AKAP7: variants seen among roughly 807,000 people sequenced by gnomAD.
The protein encoded by AKAP7 is A kinase (PRKA) anchor protein 7.
A neutral mutation model predicts 39.5 loss-of-function variants in AKAP7; 39 were observed. The ratio of observed to expected loss-of-function variants is 0.99; its 90% CI spans 0.76 to 1.29. AKAP7 has a LOEUF of 1.29. Ranked by LOEUF, AKAP7 falls within the 50% of genes most tolerant of loss-of-function variation. The pLI is 0.00. For missense variants in AKAP7, 414 were observed against 407.7 expected (o/e 1.02, Z -0.13); for synonymous variants, 140 against 139.1 (o/e 1.01, Z -0.05).
At chr6:131,126,591 G>A in the AKAP7 span, among the ~76,000 whole-genome samples, 1 of 152,114 alleles carries the variant, frequency 6.6e-6, no homozygotes, top group Non-Finnish European at 1.5e-5. Flanking sequence ...AGAAACTCCT[G>A]CATACTAGAC....
intron 7 of AKAP7, among the ~76,000 whole-genome samples, chr6:131,239,553 G>A (rs1738308671): frequency 6.6e-6 from 1 of 152,158 alleles, no homozygotes; most frequent in Non-Finnish European, 1.5e-5. Flanking sequence ...CCAATCAGAC[G>A]TAGATTTGGT....
At chr6:131,275,127 G>A (rs1187493920) in intron 7 of AKAP7, among the ~76,000 whole-genome samples, 1 of 152,160 alleles carries the variant, frequency 6.6e-6, no homozygotes, top group African/African-American at 2.4e-5. Flanking sequence ...TTACTAAAGT[G>A]TTGATTAAAT....
chr6:131,283,184 G>C lies in AKAP7; in HGVS notation c.*1458G>C, dbSNP rs541728595. On this transcript the variant is annotated 3_prime_UTR_variant, in exon 8 of 8. Coordinates refer to ENST00000431975, the MANE Select transcript of AKAP7 (RefSeq NM_016377.4). ...GTTGTTCTGCTTTTTCATTTCTTAA[G>C]GAATACATGTTTGGGATTTTTATTT... The C allele has an allele frequency of 1.3e-5, 2 of 152,702 alleles. No individual in the cohort carries two copies. The highest frequency in any genetic ancestry group is 3.9e-4 in the East Asian group (2 of 5,190). 9.5% of individuals were successfully genotyped at this position (152,702 alleles called of 1,614,324 possible). A position where few individuals can be genotyped will look rare whatever the true frequency, so the allele number is the denominator to read the frequency against.
chr6:131,214,581 G>T (rs1808972621), intron 6 of AKAP7, among the ~76,000 whole-genome samples: 2 of 152,116 alleles, frequency 1.3e-5, no homozygotes, highest in Non-Finnish European at 2.9e-5. Context: ...CATTCTTTTT[G>T]CAGGCTGGAT....
At chr6:131,151,642 A>C (rs1801929902) in intron 2 of AKAP7, among the ~76,000 whole-genome samples, 1 of 151,962 alleles carries the variant, frequency 6.6e-6, no homozygotes, top group South Asian at 2.1e-4. Context: ...GCTACTCAGG[A>C]GGCTGAGGCA....
At chr6:131,261,128 G>A (rs1439353068) in intron 7 of AKAP7, among the ~76,000 whole-genome samples, 2 of 151,866 alleles carry the variant, frequency 1.3e-5, no homozygotes, top group African/African-American at 4.8e-5. Flanking sequence ...CCCAGGAGGT[G>A]GAGGTTGCAG....
chr6:131,144,978 T>C (rs1801358445), intron 1 of AKAP7, among the ~76,000 whole-genome samples: 1 of 152,188 alleles, frequency 6.6e-6, no homozygotes, highest in Non-Finnish European at 1.5e-5. Context: ...TGAAAAAACG[T>C]AGTTTTAGAA....
At chr6:131,134,613 T>C (rs1275024273), upstream of AKAP7, among the ~76,000 whole-genome samples, 2 of 152,218 alleles carry the variant, frequency 1.3e-5, no homozygotes, top group Admixed American at 6.5e-5. Flanking sequence ...GGGGAACTGG[T>C]TGTACTTTCC....
At chr6:131,163,948 A>G (rs2128240322) in intron 3 of AKAP7, among the ~76,000 whole-genome samples, 1 of 151,994 alleles carries the variant, frequency 6.6e-6, no homozygotes, top group Non-Finnish European at 1.5e-5. Context: ...AGGCCTAGTC[A>G]AGCAGAAGAC....
intron 5 of AKAP7, among the ~76,000 whole-genome samples, chr6:131,188,566 A>T (rs1406774826): frequency 1.3e-5 from 2 of 152,106 alleles, no homozygotes; most frequent in African/African-American, 4.8e-5. Flanking sequence ...AAGACCGTGT[A>T]TCACTCTGTC....
At chr6:131,143,105 T>G (rs1427556689) in intron 1 of AKAP7, among the ~76,000 whole-genome samples, 1 of 152,188 alleles carries the variant, frequency 6.6e-6, no homozygotes, top group South Asian at 2.1e-4. Flanking sequence ...AAACTTACCT[T>G]GAGTCTCAAA....
At chr6:131,202,760 AATAAT>A (rs1437651279) in intron 6 of AKAP7, among the ~76,000 whole-genome samples, 56 of 151,988 alleles carry the variant, frequency 3.7e-4, no homozygotes, top group African/African-American at 1.3e-3. Flanking sequence ...AAAGTATAAT[AATAAT>A]AAAATAAAAT....
intron 1 of AKAP7, chr6:131,136,764 C>T: frequency 2.4e-5 from 18 of 752,792 alleles, no homozygotes; most frequent in Non-Finnish European, 2.9e-5. Context: ...CTTTTGTTCC[C>T]TTTTTATGAG....
At chr6:131,254,678 CCTT>C (rs1236045175) in intron 7 of AKAP7, among the ~76,000 whole-genome samples, 1 of 152,146 alleles carries the variant, frequency 6.6e-6, no homozygotes, top group Non-Finnish European at 1.5e-5. Flanking sequence ...AAGGACATCA[CCTT>C]CTAGGGATGT....
At chr6:131,152,553 C>A (rs554378547) in intron 2 of AKAP7, among the ~76,000 whole-genome samples, 2 of 152,068 alleles carry the variant, frequency 1.3e-5, no homozygotes, top group Non-Finnish European at 2.9e-5. Flanking sequence ...TGGGGCCGGG[C>A]GTGGTGGCTC....
chr6:131,277,315 A>G (rs1253775062), intron 7 of AKAP7, among the ~76,000 whole-genome samples: 1 of 152,262 alleles, frequency 6.6e-6, no homozygotes, highest in Non-Finnish European at 1.5e-5. Flanking sequence ...TAAAATAACA[A>G]TGTCAAAGAC....
chr6:131,132,452 C>T (rs1189844984), upstream of AKAP7, among the ~76,000 whole-genome samples: 6 of 152,130 alleles, frequency 3.9e-5, no homozygotes, highest in African/African-American at 1.4e-4. Flanking sequence ...CCACACTTCC[C>T]TCTCCCTCCG....
intron 1 of AKAP7, among the ~76,000 whole-genome samples, 161 bp downstream of exon 1, chr6:131,135,943 T>G (rs1377141031): frequency 6.6e-6 from 1 of 151,942 alleles, no homozygotes; most frequent in Non-Finnish European, 1.5e-5. Context: ...AGAAGCCCGG[T>G]GCAACCGGGG....
At chr6:131,136,058 C>T (rs976571740) in intron 1 of AKAP7, among the ~76,000 whole-genome samples, 1 of 152,230 alleles carries the variant, frequency 6.6e-6, no homozygotes, top group Non-Finnish European at 1.5e-5. Flanking sequence ...TTCTTTCTCC[C>T]TTTCTCATCC....
Sources: allele counts gnomAD v4.1 joint callset (sites outside exome capture counted in the v4.1 genomes callset), GRCh38; gene constraint gnomAD v4.1.1; transcripts MANE v1.5; gene names NCBI Gene and HGNC (gene_info 2026-07-23, HGNC 2026-07-21).